Variants in PROM1 observed in about 807,000 individuals in gnomAD.
The protein encoded by PROM1 is prominin 1, also known as prominin-1.
A neutral mutation model predicts 116.9 loss-of-function variants in PROM1; 105 were observed. That is an observed-to-expected ratio of 0.90 (90% CI 0.77 to 1.06). PROM1 has a LOEUF of 1.06. Ranked by LOEUF, PROM1 falls within the 50% of genes least tolerant of loss-of-function variation. The pLI, the probability that PROM1 is intolerant of heterozygous loss-of-function variation, is 0.00. For synonymous variants in PROM1, 393 were observed against 387.0 expected, an observed-to-expected ratio of 1.02 and a Z score of -0.18; for missense variants, 1,122 against 1,045.2, an observed-to-expected ratio of 1.07 and a Z score of -1.01.
intron 23 of PROM1, among the ~76,000 whole-genome samples, chr4:15,981,396 C>A (rs1263777321): frequency 1.3e-5 from 2 of 151,688 alleles, no homozygotes; most frequent in Non-Finnish European, 2.9e-5. Flanking sequence ...TAGTGAAACC[C>A]CGTCTCTACT....
intron 19 of PROM1, among the ~76,000 whole-genome samples, chr4:15,989,385 T>G (rs1446450558): frequency 3.3e-5 from 5 of 151,614 alleles, no homozygotes; most frequent in African/African-American, 9.7e-5. Context: ...CACCTTCACA[T>G]ATTTCTAGAC....
chr4:16,077,159 G>C (rs1321467321), intron 1 of PROM1, among the ~76,000 whole-genome samples: 3 of 151,650 alleles, frequency 2.0e-5, no homozygotes, highest in African/African-American at 4.9e-5. Flanking sequence ...GAAGGCATCT[G>C]TCTCCTGCCC....
At chr4:16,002,802 T>C (rs1194096772) in intron 13 of PROM1, among the ~76,000 whole-genome samples, 2 of 152,156 alleles carry the variant, frequency 1.3e-5, no homozygotes, top group African/African-American at 4.8e-5. Flanking sequence ...ATACAGTCAC[T>C]ATCTCCAGCC....
intron 10 of PROM1, 90 bp from the exon 11 acceptor site, chr4:16,013,428 G>A: frequency 1.2e-6 from 1 of 834,442 alleles, no homozygotes; most frequent in Non-Finnish European, 2.1e-6. Flanking sequence ...TACGAGTAGA[G>A]AGGCAAAATA....
At chr4:16,037,727 C>G (rs1489766849) in intron 3 of PROM1, among the ~76,000 whole-genome samples, 1 of 152,182 alleles carries the variant, frequency 6.6e-6, no homozygotes, top group Non-Finnish European at 1.5e-5. Context: ...ACACATTTAA[C>G]TAATTTTTAT....
chr4:16,012,375 C>G (rs1335729912), intron 11 of PROM1, among the ~76,000 whole-genome samples: 1 of 152,150 alleles, frequency 6.6e-6, no homozygotes, highest in African/African-American at 2.4e-5. Context: ...GCATTCTCTC[C>G]CTCTGTACGT....
chr4:16,017,746 A>G (rs2677784), intron 9 of PROM1, among the ~76,000 whole-genome samples: 151,602 of 152,322 alleles, frequency 1, 75,448 homozygotes, highest in Middle Eastern at 1. Flanking sequence ...ACTTGAACAC[A>G]AGAGGTTGGA....
intron 4 of PROM1, among the ~76,000 whole-genome samples, chr4:16,033,866 A>C (rs1733361584): frequency 6.6e-6 from 1 of 150,992 alleles, no homozygotes; most frequent in Admixed American, 6.6e-5. Context: ...CATTTTTTTA[A>C]CCTATCTGCC....
At chr4:15,973,209 T>C (rs1715092747) in intron 26 of PROM1, among the ~76,000 whole-genome samples, 1 of 152,170 alleles carries the variant, frequency 6.6e-6, no homozygotes, top group South Asian at 2.1e-4. Context: ...GCCTGTAATC[T>C]AGCAATTTGG....
chr4:16,004,834 TTC>T (rs1420396342), intron 13 of PROM1, among the ~76,000 whole-genome samples: 1 of 74,278 alleles, frequency 1.3e-5, no homozygotes, highest in African/African-American at 4.5e-5. Flanking sequence ...TTTCTTTTTC[TTC>T]CTTCCTTCCT....
intron 15 of PROM1, among the ~76,000 whole-genome samples, chr4:15,994,649 T>C (rs1387090288): frequency 6.6e-6 from 1 of 152,188 alleles, no homozygotes; most frequent in Non-Finnish European, 1.5e-5. Flanking sequence ...CACCTCACCA[T>C]GCCTCAATCA....
In PROM1 at chr4:15,986,025, T is replaced by C; in HGVS notation, c.2143A>G (p.Arg715Gly). Residue 715 changes from arginine to glycine, a missense_variant, in exon 21 of 28, where the codon AGG becomes GGG. Transcript: ENST00000447510. ...GCAAAATCCAGAGAAGCTAGAATCC[T>C]AGTTACTCTCTCCTGAAAGACACAG... is the stretch of plus-strand genomic sequence containing the variant. ...TGNGLLERVT[R>G]ILASLDFAQN... 1 of 1,572,682 alleles carries C rather than the reference T, an allele frequency of 6.4e-7. No individual in the cohort carries two copies. The highest frequency in any genetic ancestry group is 2.3e-5 in the East Asian group (1 of 44,126).
At chr4:16,013,864 C>T (rs572444569) in intron 10 of PROM1, among the ~76,000 whole-genome samples, 26 of 152,138 alleles carry the variant, frequency 1.7e-4, no homozygotes, top group African/African-American at 5.1e-4. Context: ...GGTACACTAT[C>T]CCATGGGCAG....
intron 2 of PROM1, among the ~76,000 whole-genome samples, chr4:16,043,627 G>A (rs1008404016): frequency 3.9e-5 from 6 of 152,202 alleles, no homozygotes; most frequent in Non-Finnish European, 7.3e-5. Flanking sequence ...GCAGCATCAC[G>A]GGAGCCCCAC....
chr4:16,062,875 G>C lies in PROM1; in HGVS notation c.220+12812C>G, dbSNP rs569003325. On this transcript the variant is annotated intron_variant, in intron 2 of 27. Transcript: ENST00000447510. ...AAAGATGCCCGTGATATAATGTTAA[G>C]TAAAAAGTTTAAGTTACAAAATATG... Among the ~76,000 whole-genome samples, 4 of 152,166 alleles carry C rather than the reference G, an allele frequency of 2.6e-5. No homozygotes were observed. The South Asian group carries it at 6.2e-4, about 24-fold the overall frequency.
chr4:15,970,227 G>A (rs1211824861), intron 27 of PROM1, among the ~76,000 whole-genome samples: 1 of 149,156 alleles, frequency 6.7e-6, no homozygotes, highest in Non-Finnish European at 1.5e-5. Context: ...GTGCAGTGGT[G>A]TGATCTCGGC....
chr4:15,994,318 T>C (rs538123178), intron 15 of PROM1, among the ~76,000 whole-genome samples: 1 of 152,236 alleles, frequency 6.6e-6, no homozygotes, highest in Non-Finnish European at 1.5e-5. Context: ...TATCTTTCCA[T>C]CTGTCTCCTA....
intron 2 of PROM1, among the ~76,000 whole-genome samples, chr4:16,040,081 A>G (rs1734852758): frequency 1.3e-5 from 2 of 152,146 alleles, no homozygotes; most frequent in Admixed American, 1.3e-4. Context: ...CTATCACTAT[A>G]TCCATCACGC....
intron 25 of PROM1, 88 bp from the exon 26 acceptor site, chr4:15,979,551 C>A: frequency 6.9e-7 from 1 of 1,454,012 alleles, no homozygotes; most frequent in South Asian, 1.6e-5. Context: ...ATGTAATGGT[C>A]ATGAAAAGTA....
Sources: gnomAD v4.1 joint callset for allele counts (sites outside exome capture counted in the v4.1 genomes callset) on GRCh38, gnomAD v4.1.1 for gene constraint, MANE v1.5 for transcripts, NCBI Gene and HGNC (gene_info 2026-07-23, HGNC 2026-07-21) for gene names.